The following MOG variants were observed in gnomAD, a reference collection of about 807,000 sequenced individuals.
MOG encodes the protein myelin-oligodendrocyte glycoprotein.
MOG carries 20 observed loss-of-function variants against 35.9 expected under a neutral mutation model. That is an observed-to-expected ratio of 0.56 (90% CI 0.39 to 0.81). The LOEUF is 0.81. Among genes scored for constraint, MOG ranks in the 30% least tolerant of loss-of-function variants. The pLI is 0.00. For synonymous variants in MOG, 92 were observed against 114.3 expected, an observed-to-expected ratio of 0.80 and a Z score of 1.25; for missense variants, 251 against 301.0, an observed-to-expected ratio of 0.83 and a Z score of 1.23.
rs1771523614 is a variant in MOG, at chr6:29,671,848, C to T, written c.*663C>T. ...CCTGCTTTAGAATGTTTTCCTTCTACTTACACATCTTCCACAGGTCTCAGA... is the reference window on the plus strand; with the variant it reads ...CCTGCTTTAGAATGTTTTCCTTCTATTTACACATCTTCCACAGGTCTCAGA... On this transcript the variant is annotated 3_prime_UTR_variant, in exon 8 of 8. Coordinates refer to ENST00000376917, the MANE Select transcript of MOG (RefSeq NM_206809.4). 1 of 258,064 alleles carries T rather than the reference C, an allele frequency of 3.9e-6. No individual in the cohort carries two copies. The highest frequency in any genetic ancestry group is 4.8e-5 in the Admixed American group (1 of 20,624). The allele number at this position is 258,064 out of a possible 1,614,324, so 16.0% of individuals were successfully genotyped here.
At position 29,670,258 on chromosome 6, in the gene MOG, G is replaced by A. The variant is rs1227963813; in HGVS notation, c.593-23G>A. The A allele has an allele frequency of 6.2e-7, 1 of 1,614,230 alleles. No homozygotes were observed. The highest frequency in any genetic ancestry group is 8.5e-7 in the Non-Finnish European group (1 of 1,180,046). ...ATGAGGGGGAACACATGTTAACCCT[G>A]TTTGTTCTGGTGAACAATTCAGATC... On this transcript the variant is annotated intron_variant, in intron 5 of 7. Coordinates refer to ENST00000376917, the MANE Select transcript of MOG (RefSeq NM_206809.4). This position sits in a 1 kb window ranked among gnomAD's most constrained non-coding sequence, Gnocchi z 4.2.
rs1771194934 is a variant in MOG, at chr6:29,670,383, A to G, written c.695A>G (p.His232Arg). 1.9e-6 allele frequency: 3 copies of G among 1,614,066 alleles called. No individual in the cohort carries two copies. The highest frequency in any genetic ancestry group is 1.1e-5 in the South Asian group (1 of 91,084). Residue 232 changes from histidine to arginine, a missense_variant, in exon 6 of 8, where the codon CAT becomes CGT. His to Arg is a conservative substitution (Grantham distance 29). Transcript: ENST00000376917. This position sits in a 1 kb window ranked among gnomAD's most constrained non-coding sequence, Gnocchi z 4.2. ...VALIICYNWL[H>R]RRLAGQFLEE... ...TTGATCATCTGCTACAACTGGCTAC[A>G]TCGAAGACTAGCAGGTGCAGTGGCT... is the stretch of plus-strand genomic sequence containing the variant.
intron 2 of MOG, among the ~76,000 whole-genome samples, chr6:29,663,439 G>T (rs1769387831): frequency 6.6e-6 from 1 of 151,988 alleles, no homozygotes; most frequent in Non-Finnish European, 1.5e-5. Context: ...CTTACAGTTG[G>T]TTTCTTTTAG....
Position 29,672,116 on chromosome 6 carries a change from A to C in MOG, c.*931A>C, listed in dbSNP as rs1438977301. On this transcript the variant is annotated 3_prime_UTR_variant, in exon 8 of 8. Coordinates refer to ENST00000376917, the MANE Select transcript of MOG (RefSeq NM_206809.4). ...AGCCTGGCCAACATGGTGAAACCCC[A>C]TCTCTACTAAAAATACAAACAATTA... 6.5e-6 allele frequency: 1 copy of C among 153,422 alleles called. No individual in the cohort carries two copies. The highest frequency in any genetic ancestry group is 1.9e-4 in the East Asian group (1 of 5,200). 9.5% of individuals were successfully genotyped at this position (153,422 alleles called of 1,614,324 possible).
chr6:29,667,674 G>C lies in MOG; in HGVS notation c.571+11G>C, dbSNP rs1770517142. On this transcript the variant is annotated intron_variant, in intron 4 of 7. Transcript: ENST00000376917. Reference sequence around the variant, plus strand: ...TTCGAGCAGAGATAGGTGAGTTCCAGTCATCGTTTCTCCCAATTCTTGCCT... The same window carrying C: ...TTCGAGCAGAGATAGGTGAGTTCCACTCATCGTTTCTCCCAATTCTTGCCT... The C allele has an allele frequency of 6.2e-7, 1 of 1,614,016 alleles. No homozygotes were observed. The highest frequency in any genetic ancestry group is 1.3e-5 in the African/African-American group (1 of 74,986).
In MOG at chr6:29,670,386, G is replaced by A. The variant is rs375219482; in HGVS notation, c.698G>A (p.Arg233Gln). The A allele has an allele frequency of 1.6e-4, 262 of 1,614,094 alleles. 7 individuals carry two copies. The highest frequency in any genetic ancestry group is 1.2e-3 in the East Asian group (52 of 44,880). ...ATCATCTGCTACAACTGGCTACATC[G>A]AAGACTAGCAGGTGCAGTGGCTGGG... Reference protein sequence around the residue: ...ALIICYNWLHRRLAGQFLEEL... With the variant: ...ALIICYNWLHQRLAGQFLEEL... The change falls in exon 6 of 8, where the codon CGA becomes CAA. Residue 233 changes from arginine (R) to glutamine (Q), a missense_variant. Physicochemically the swap from Arg to Gln is conservative, Grantham distance 43. Coordinates refer to ENST00000376917, the MANE Select transcript of MOG (RefSeq NM_206809.4). This position sits in a 1 kb window ranked among gnomAD's most constrained non-coding sequence, Gnocchi z 4.2.
chr6:29,659,288 T>C (rs1367794677), intron 1 of MOG, 31 bp from the exon 2 acceptor site: 1 of 1,610,694 alleles, frequency 6.2e-7, no homozygotes, highest in African/African-American at 1.3e-5. Context: ...CCCTCTGACC[T>C]TAAATCTCTT....
intron 4 of MOG, 93 bp downstream of exon 4, chr6:29,667,756 ATACCCTG>A: frequency 7.7e-6 from 12 of 1,557,722 alleles, no homozygotes; most frequent in Non-Finnish European, 1.1e-5. Context: ...CTCCCTCTCA[ATACCCTG>A]TTTTCCCCTC....
At chr6:29,668,073 A>T in intron 5 of MOG, 149 bp downstream of exon 5, 1 of 775,558 alleles carries the variant, frequency 1.3e-6, no homozygotes, top group Non-Finnish European at 2.2e-6. Context: ...ATTTGCATTT[A>T]GGATTGGTAA....
chr6:29,659,578 T>C lies in MOG; in HGVS notation c.348T>C (p.Asn116=). The C allele has an allele frequency of 1.9e-6, 3 of 1,613,082 alleles. No homozygotes were observed. The highest frequency in any genetic ancestry group is 1.7e-6 in the Non-Finnish European group (2 of 1,180,032). ...GEGKVTLRIR[N]VRFSDEGGFT... is the part of the protein sequence containing the mutation. Reference sequence around the variant, plus strand: ...GAAAGGTGACTCTCAGGATCCGGAATGTAAGGTTCTCAGATGAAGGAGGTT... The same window carrying C: ...GAAAGGTGACTCTCAGGATCCGGAACGTAAGGTTCTCAGATGAAGGAGGTT... The change falls in exon 2 of 8, where the codon AAT becomes AAC. Residue 116 remains asparagine (N), a synonymous_variant. Transcript: ENST00000376917.
chr6:29,662,108 GTTTAC>G lies in MOG; in HGVS notation c.436+2445_436+2449del, dbSNP rs1416665638. ...CTCTGAAGAGTTTCTAATTTCTCTT[GTTTAC>G]TTATTTTTTTCTTGTCATTTTTGTG... On this transcript the variant is annotated intron_variant, in intron 2 of 7. Transcript: ENST00000376917. This position sits in a 1 kb window ranked among gnomAD's most constrained non-coding sequence, Gnocchi z 4.2. The G allele has an allele frequency of 1.0e-6, 1 of 984,976 alleles. No homozygotes were observed. Among genetic ancestry groups the G allele is most frequent in the East Asian group, 1.1e-4 (1 of 8,820 alleles). The allele number at this position is 984,976 out of a possible 1,614,324, so 61.0% of individuals were successfully genotyped here. A position where few individuals can be genotyped will look rare whatever the true frequency, so the allele number is the denominator to read the frequency against.
chr6:29,669,323 GA>G (rs949648772), intron 5 of MOG, among the ~76,000 whole-genome samples: 12 of 150,088 alleles, frequency 8.0e-5, no homozygotes, highest in Admixed American at 6.0e-4. Context: ...TTTTTGAGAT[GA>G]AGTTTTTTTG....
chr6:29,667,308 T>G (rs1770423615), intron 3 of MOG, among the ~76,000 whole-genome samples: 1 of 147,574 alleles, frequency 6.8e-6, no homozygotes, highest in Non-Finnish European at 1.5e-5. Context: ...AGATGGGAAG[T>G]GGCTTTAGAT....
rs779767875 is a variant in MOG, at chr6:29,666,190, C to T, written c.475C>T (p.Leu159Phe). 10 of 1,612,808 alleles carry T rather than the reference C, an allele frequency of 6.2e-6. No individual in the cohort carries two copies. The highest frequency in any genetic ancestry group is 8.5e-6 in the Non-Finnish European group (10 of 1,179,936). ...GGTGAGCCCTGGAGTGCTGGTTCTCCTCGCGGTGCTGCCTGTGCTCCTCCT... is the reference window on the plus strand; with the variant it reads ...GGTGAGCCCTGGAGTGCTGGTTCTCTTCGCGGTGCTGCCTGTGCTCCTCCT... ...YWVSPGVLVLLAVLPVLLLQI... is the reference protein window; with the variant it reads ...YWVSPGVLVLFAVLPVLLLQI... Residue 159 changes from leucine to phenylalanine, a missense_variant, in exon 3 of 8, where the codon CTC becomes TTC. Coordinates refer to ENST00000376917, the MANE Select transcript of MOG (RefSeq NM_206809.4).
At chr6:29,667,181 A>T (rs9461543) in intron 3 of MOG, among the ~76,000 whole-genome samples, 2,849 of 152,300 alleles carry the variant, frequency 0.019, 44 homozygotes, top group Admixed American at 0.034. Context: ...TCAAATAGAG[A>T]AAACATCCTT....
At chr6:29,659,106 G>A (rs1187365047) in intron 1 of MOG, among the ~76,000 whole-genome samples, 1 of 152,104 alleles carries the variant, frequency 6.6e-6, no homozygotes, top group Non-Finnish European at 1.5e-5. Context: ...TCCAGCCTGG[G>A]CGACAGAGAG....
intron 2 of MOG, chr6:29,664,914 A>T: frequency 4.3e-6 from 1 of 232,230 alleles, no homozygotes; most frequent in Non-Finnish European, 8.8e-6. Context: ...CCTAGCCAGA[A>T]GAATGTTTTA....
At chr6:29,659,821 G>A in intron 2 of MOG, 155 bp downstream of exon 2, 3 of 697,964 alleles carry the variant, frequency 4.3e-6, no homozygotes, top group Non-Finnish European at 7.5e-6. Flanking sequence ...TCATGCTTAG[G>A]GATGTCTGTT....
intron 2 of MOG, among the ~76,000 whole-genome samples, chr6:29,665,192 G>A (rs2127520403): frequency 6.6e-6 from 1 of 152,002 alleles, no homozygotes; most frequent in Non-Finnish European, 1.5e-5. Context: ...CGCCTCCTGG[G>A]TTCAAGCGAT....
Sources: allele counts gnomAD v4.1 joint callset (sites outside exome capture counted in the v4.1 genomes callset), GRCh38; gene constraint gnomAD v4.1.1; non-coding constraint Gnocchi (gnomAD v3.1); transcripts MANE v1.5; gene names NCBI Gene and HGNC (gene_info 2026-07-23, HGNC 2026-07-21).